The following AASS variants were observed in gnomAD, a reference collection of about 807,000 sequenced individuals.
The protein encoded by AASS is aminoadipate-semialdehyde synthase.
In AASS, 86 loss-of-function variants were observed where a neutral mutation model predicts 105.4. That is an observed-to-expected ratio of 0.82 (90% CI 0.69 to 0.98). The LOEUF (loss-of-function observed/expected upper bound fraction) is 0.98. Ranked by LOEUF, AASS falls within the 50% of genes least tolerant of loss-of-function variation. AASS has a pLI of 0.00. For missense variants in AASS, 1,048 were observed against 1,143.2 expected, an observed-to-expected ratio of 0.92 and a Z score of 1.20; for synonymous variants, 381 against 394.8, an observed-to-expected ratio of 0.96 and a Z score of 0.41.
rs1257706098 is a variant in AASS, at chr7:122,128,645, GAACA to G, written c.387+712_387+715del. ...ACTTTACTCTTTGGCTCTTTCCTTG[GAACA>G]AACAGTGTCAGACACAGCATCAGCA... On this transcript the variant is annotated intron_variant, in intron 3 of 23. Coordinates refer to ENST00000417368, the MANE Select transcript of AASS (RefSeq NM_005763.4). Among the ~76,000 whole-genome samples the G allele has an allele frequency of 5.3e-5, 8 of 152,208 alleles. No individual in the cohort carries two copies. The South Asian group carries it at 1.0e-3, about 20-fold the overall frequency.
chr7:122,076,411 A>T lies in AASS; in HGVS notation c.*78T>A. ...ATTATGCTTTATACTTTAAAACAGC[A>T]CATTAGCAAACCCATTTATCACACA... is the stretch of plus-strand genomic sequence containing the variant. On this transcript the variant is annotated 3_prime_UTR_variant, in exon 24 of 24. Transcript: ENST00000417368. 1 of 929,710 alleles carries T rather than the reference A, an allele frequency of 1.1e-6. No homozygotes were observed. Among genetic ancestry groups the T allele is most frequent in the Admixed American group, 1.7e-5 (1 of 59,198 alleles). The allele number at this position is 929,710 out of a possible 1,614,324, so 57.6% of individuals were successfully genotyped here.
chr7:122,131,738 G>T (rs1302198242), intron 2 of AASS, among the ~76,000 whole-genome samples: 4 of 151,838 alleles, frequency 2.6e-5, no homozygotes, highest in Non-Finnish European at 5.9e-5. Flanking sequence ...ACCAGATCTT[G>T]GTCTCTATAT....
At chr7:122,107,471 G>A (rs376069100) in intron 11 of AASS, among the ~76,000 whole-genome samples, 1 of 151,906 alleles carries the variant, frequency 6.6e-6, no homozygotes, top group Non-Finnish European at 1.5e-5. Context: ...TCATTGGAGC[G>A]CTATTGTAAA....
chr7:122,075,043 T>TTTTTTGTTTGTTTG lies in AASS; in HGVS notation c.*1432_*1445dup, dbSNP rs1451227815. Among the ~76,000 whole-genome samples, 1 of 152,036 alleles carries TTTTTTGTTTGTTTG rather than the reference T, an allele frequency of 6.6e-6. No homozygotes were observed. The highest frequency in any genetic ancestry group is 1.5e-5 in the Non-Finnish European group (1 of 67,992). ...CCAGCTGTTTTTTGTTTGCTTGTTG[T>TTTTTTGTTTGTTTG]TTTTTGTTTGTTTGTTTTTGTAGAG... On this transcript the variant is annotated 3_prime_UTR_variant, in exon 24 of 24. Coordinates refer to ENST00000417368, the MANE Select transcript of AASS (RefSeq NM_005763.4).
chr7:122,076,955 T>A (rs1218975047), intron 23 of AASS, among the ~76,000 whole-genome samples: 1 of 152,176 alleles, frequency 6.6e-6, no homozygotes, highest in Non-Finnish European at 1.5e-5. Context: ...TCATTTTTTT[T>A]TAAAAAAGGC....
At position 122,133,716 on chromosome 7, in the gene AASS, A is replaced by C; in HGVS notation, c.11T>G (p.Val4Gly). ...CAGCCTGCCCAGTCCAGTCCTATGTACTTGCAGCATCTTGACACCTGGTGA... is the reference window on the plus strand; with the variant it reads ...CAGCCTGCCCAGTCCAGTCCTATGTCCTTGCAGCATCTTGACACCTGGTGA... MLQ[V>G]HRTGLGRLGV... is the part of the protein sequence containing the mutation. Residue 4 changes from valine (V) to glycine (G), a missense_variant, in exon 2 of 24, where the codon GTA (valine) becomes GGA (glycine). Physicochemically the swap from Val to Gly is moderately radical, Grantham distance 109. Transcript: ENST00000417368. 12 of 1,614,168 alleles carry C rather than the reference A, an allele frequency of 7.4e-6. No homozygotes were observed. The highest frequency in any genetic ancestry group is 1.0e-5 in the Non-Finnish European group (12 of 1,180,036).
At position 122,075,403 on chromosome 7, in the gene AASS, C is replaced by T. The variant is rs941680961; in HGVS notation, c.*1086G>A. Among the ~76,000 whole-genome samples, 1 of 152,184 alleles carries T rather than the reference C, an allele frequency of 6.6e-6. No homozygotes were observed. The highest frequency in any genetic ancestry group is 1.5e-5 in the Non-Finnish European group (1 of 68,034). Reference sequence around the variant, plus strand: ...TTTAGTTATACTTCTTCCTTTCCAACCTAGATGACTTTTATTTTATTTTCT... The same window carrying T: ...TTTAGTTATACTTCTTCCTTTCCAATCTAGATGACTTTTATTTTATTTTCT... On this transcript the variant is annotated 3_prime_UTR_variant, in exon 24 of 24. Transcript: ENST00000417368.
intron 3 of AASS, 91 bp from the exon 4 acceptor site, chr7:122,126,550 T>G (rs1231066459): frequency 1.8e-6 from 2 of 1,108,102 alleles, no homozygotes; most frequent in Non-Finnish European, 2.8e-6. Flanking sequence ...ATTTCACATT[T>G]TTTCCTCTGA....
chr7:122,134,240 TGTCA>T (rs1175293175), intron 1 of AASS, among the ~76,000 whole-genome samples: 1 of 152,210 alleles, frequency 6.6e-6, no homozygotes, highest in Non-Finnish European at 1.5e-5. Context: ...TGTGCCCTAG[TGTCA>T]GTCAGTGAAC....
chr7:122,084,709 CA>C (rs1273008588), intron 19 of AASS, among the ~76,000 whole-genome samples: 4 of 151,652 alleles, frequency 2.6e-5, no homozygotes, highest in African/African-American at 9.7e-5. Flanking sequence ...GAACAGCCAG[CA>C]AAAAAAGATA....
chr7:122,116,694 ACAG>A lies in AASS; in HGVS notation c.830_832del (p.Ala277del). On this transcript the variant is annotated inframe_deletion, in exon 8 of 24. Transcript: ENST00000417368. Reference sequence around the variant, plus strand: ...TTTGTCATACTCTGCAGGATCATACACAGCATCTGTTTTCCTGACAAGATGATG... The same window carrying A: ...TTTGTCATACTCTGCAGGATCATACACATCTGTTTTCCTGACAAGATGATG... The A allele has an allele frequency of 6.2e-7, 1 of 1,614,156 alleles. No homozygotes were observed. The highest frequency in any genetic ancestry group is 8.5e-7 in the Non-Finnish European group (1 of 1,179,996).
chr7:122,099,548 A>G (rs1794330317), intron 13 of AASS, among the ~76,000 whole-genome samples: 2 of 152,036 alleles, frequency 1.3e-5, no homozygotes, highest in South Asian at 4.1e-4. Flanking sequence ...CCTCCAAGGC[A>G]GCATCTAAGA....
At chr7:122,139,621 G>A (rs2150558811) in intron 1 of AASS, among the ~76,000 whole-genome samples, 1 of 152,232 alleles carries the variant, frequency 6.6e-6, no homozygotes, top group African/African-American at 2.4e-5. Flanking sequence ...ACTCGATCAA[G>A]ATTTTTCTCT....
chr7:122,122,011 A>G (rs1361645069), intron 4 of AASS, among the ~76,000 whole-genome samples: 1 of 152,098 alleles, frequency 6.6e-6, no homozygotes, highest in Non-Finnish European at 1.5e-5. Context: ...TGCTAGCTTA[A>G]ACTGTTTCTG....
chr7:122,143,769 T>C (rs1041332714), intron 1 of AASS, among the ~76,000 whole-genome samples: 7 of 152,012 alleles, frequency 4.6e-5, no homozygotes, highest in Non-Finnish European at 8.8e-5. Flanking sequence ...TAACAAGCCG[T>C]TGTTTCCTCA....
In AASS at chr7:122,133,619, C is replaced by T. The variant is rs1336527971; in HGVS notation, c.108G>A (p.Trp36Ter). The T allele has an allele frequency of 6.2e-7, 1 of 1,614,162 alleles. No individual in the cohort carries two copies. Among genetic ancestry groups the T allele is most frequent in the South Asian group, 1.1e-5 (1 of 91,066 alleles). The change falls in exon 2 of 24, where the codon TGG becomes TGA. Residue 36 changes from tryptophan to a stop codon, truncating the protein, a stop_gained. Coordinates refer to ENST00000417368, the MANE Select transcript of AASS (RefSeq NM_005763.4). LOFTEE classifies it high-confidence loss of function. The part of the protein sequence containing the change: ...LAVRREDVNA[W>*]ERRAPLAPKH... ...TGGGAGCTAGCGGGGCCCTTCTCTC[C>T]CAGGCGTTCACATCCTCCCTCCGGA...
rs77934136 is a variant in AASS at position 122,097,649 on chromosome 7, T to G, written c.1655+801A>C. Among the ~76,000 whole-genome samples the G allele has an allele frequency of 4.1e-4, 63 of 152,180 alleles. No individual in the cohort carries two copies. The East Asian group carries it at 0.012, about 28-fold the overall frequency. ...TGTAATTCTGTGTCTAGATGTTAGATCTGCATTTTTGTTAGTAATACTCTA... is the reference window on the plus strand; with the variant it reads ...TGTAATTCTGTGTCTAGATGTTAGAGCTGCATTTTTGTTAGTAATACTCTA... On this transcript the variant is annotated intron_variant, in intron 15 of 23. Transcript: ENST00000417368.
At chr7:122,092,812 A>T in intron 17 of AASS, 31 bp downstream of exon 17, 1 of 1,514,070 alleles carries the variant, frequency 6.6e-7, no homozygotes, top group Non-Finnish European at 9.2e-7. Context: ...TAGACATTTT[A>T]ATGTTGCCTT....
chr7:122,082,588 G>A (rs1330019690), intron 19 of AASS, among the ~76,000 whole-genome samples: 1 of 152,136 alleles, frequency 6.6e-6, no homozygotes, highest in Admixed American at 6.6e-5. Flanking sequence ...TTTATATTAT[G>A]TTATATTATA....
Sources: allele counts gnomAD v4.1 joint callset (sites outside exome capture counted in the v4.1 genomes callset), GRCh38; gene constraint gnomAD v4.1.1; transcripts MANE v1.5; gene names NCBI Gene and HGNC (gene_info 2026-07-23, HGNC 2026-07-21).